The following MAG variants were observed in gnomAD, a reference collection of about 807,000 sequenced individuals.
MAG encodes the protein myelin-associated glycoprotein.
MAG carries 30 observed loss-of-function variants against 60.7 expected under a neutral mutation model. That is an observed-to-expected ratio of 0.49 (90% confidence interval 0.37 to 0.67). The LOEUF (loss-of-function observed/expected upper bound fraction) is 0.67, where lower values mean the gene tolerates loss of function less well. Among genes scored for constraint, MAG ranks in the 30% least tolerant of loss-of-function variants. The pLI is 0.00. For missense variants in MAG, 795 were observed against 851.7 expected (o/e 0.93, Z 0.83); for synonymous variants, 384 against 376.8 (o/e 1.02, Z -0.22).
chr19:35,311,409 A>G (rs1294607385), intron 9 of MAG, among the ~76,000 whole-genome samples: 1 of 152,122 alleles, frequency 6.6e-6, no homozygotes, highest in Non-Finnish European at 1.5e-5. Context: ...GGCTGTAGTG[A>G]GCTATGATTT....
chr19:35,298,968 C>T (rs2066424658), intron 4 of MAG, among the ~76,000 whole-genome samples: 1 of 150,968 alleles, frequency 6.6e-6, no homozygotes. Context: ...ACACACTACA[C>T]ACATACATCA....
rs777879188 is a variant in MAG, at chr19:35,313,754, C to A, written c.*300C>A. The A allele has an allele frequency of 4.9e-5, 14 of 283,820 alleles. No homozygotes were observed. Among genetic ancestry groups the A allele is most frequent in the Non-Finnish European group, 8.6e-5 (13 of 151,824 alleles). The allele number at this position is 283,820 out of a possible 1,614,324, so 17.6% of individuals were successfully genotyped here. ...TCCTGCCTGGTCTCCTGCCCCCACACCTGGCCCTGGGGCCTGTACAAAAGG... is the reference window on the plus strand; with the variant it reads ...TCCTGCCTGGTCTCCTGCCCCCACAACTGGCCCTGGGGCCTGTACAAAAGG... On this transcript the variant is annotated 3_prime_UTR_variant, in exon 11 of 11. Transcript: ENST00000392213.
In MAG at chr19:35,295,448, A is replaced by G. The variant is rs773576803; in HGVS notation, c.40A>G (p.Ile14Val). Residue 14 changes from isoleucine to valine, a missense_variant, in exon 3 of 11, where the codon ATT becomes GTT. Transcript: ENST00000392213. This position sits in a 1 kb window ranked among gnomAD's most constrained non-coding sequence, Gnocchi z 5.8. The part of the protein sequence containing the change: ...LTALPLFWIM[I>V]SASRGGHWGA... ...GGCACTGCCTCTGTTCTGGATTATG[A>G]TTTCAGGTAACGGCTGACAGGTGCT... The G allele has an allele frequency of 5.6e-6, 9 of 1,613,938 alleles. No individual in the cohort carries two copies. In the Admixed American group the frequency reaches 1.5e-4, roughly 27 times the overall value.
chr19:35,311,679 G>T (rs2066527963), intron 9 of MAG, among the ~76,000 whole-genome samples: 1 of 152,220 alleles, frequency 6.6e-6, no homozygotes, highest in South Asian at 2.1e-4. Context: ...AATCCAGGTG[G>T]GGGTCCTGAA....
chr19:35,294,300 A>G lies in MAG; in HGVS notation c.-24+10A>G, dbSNP rs1007655838. The G allele has an allele frequency of 1.1e-5, 5 of 439,256 alleles. No homozygotes were observed. Among genetic ancestry groups the G allele is most frequent in the Middle Eastern group, 3.3e-4 (1 of 3,032 alleles). The allele number at this position is 439,256 out of a possible 1,614,324, so 27.2% of individuals were successfully genotyped here. A position where few individuals can be genotyped will look rare whatever the true frequency, so the allele number is the denominator to read the frequency against. Reference sequence around the variant, plus strand: ...ACTCAGGGAGATTCAGGTGAGGGGCAGGGTACCAACTCTCTTCCCTTGCTT... The same window carrying G: ...ACTCAGGGAGATTCAGGTGAGGGGCGGGGTACCAACTCTCTTCCCTTGCTT... On this transcript the variant is annotated intron_variant, in intron 2 of 10. Transcript: ENST00000392213.
chr19:35,305,224 C>A (rs984418857), intron 7 of MAG, among the ~76,000 whole-genome samples: 2 of 152,154 alleles, frequency 1.3e-5, no homozygotes, highest in African/African-American at 2.4e-5. Context: ...GACCCTCAGG[C>A]CCCCTCCCTC....
intron 7 of MAG, among the ~76,000 whole-genome samples, chr19:35,304,365 C>A (rs2066469256): frequency 6.6e-6 from 1 of 152,082 alleles, no homozygotes; most frequent in South Asian, 2.1e-4. Flanking sequence ...GAGAGAGGAG[C>A]CGATGGGAGT....
At chr19:35,300,957 C>T (rs946184648) in intron 6 of MAG, among the ~76,000 whole-genome samples, 3 of 152,202 alleles carry the variant, frequency 2.0e-5, no homozygotes, top group African/African-American at 7.2e-5. Flanking sequence ...TGGTATCAAA[C>T]TCTTGGGCTC....
intron 7 of MAG, among the ~76,000 whole-genome samples, chr19:35,305,674 G>T (rs1456519783): frequency 6.6e-6 from 1 of 152,192 alleles, no homozygotes; most frequent in Admixed American, 6.5e-5. Flanking sequence ...AGAGAATTAG[G>T]CTGGGCGTGG....
intron 4 of MAG, among the ~76,000 whole-genome samples, chr19:35,296,802 C>T (rs2066401237): frequency 6.6e-6 from 1 of 151,866 alleles, no homozygotes; most frequent in Non-Finnish European, 1.5e-5. Flanking sequence ...ACTCTACCTA[C>T]ACACTACCCA....
In MAG at chr19:35,295,376, C is replaced by G. The variant is rs767277925; in HGVS notation, c.-23-10C>G. 8 of 1,612,864 alleles carry G rather than the reference C, an allele frequency of 5.0e-6. No individual in the cohort carries two copies. The highest frequency in any genetic ancestry group is 6.8e-6 in the Non-Finnish European group (8 of 1,179,454). On this transcript the variant is annotated splice_polypyrimidine_tract_variant and intron_variant, in intron 2 of 10. Transcript: ENST00000392213. This position sits in a 1 kb window ranked among gnomAD's most constrained non-coding sequence, Gnocchi z 5.8. ...CCCCCAGCCTTTAACCCTCTCCTCT[C>G]CCTTTCCAGCGATCACTCACTCGCT...
At chr19:35,292,289 T>C (rs1172913935) in intron 1 of MAG, 85 bp downstream of exon 1, 3 of 455,612 alleles carry the variant, frequency 6.6e-6, no homozygotes, top group Non-Finnish European at 1.3e-5. Flanking sequence ...TCAGGTGCTC[T>C]GGGTGAGGGA....
At chr19:35,296,263 G>T (rs2066397589) in intron 4 of MAG, among the ~76,000 whole-genome samples, 1 of 152,228 alleles carries the variant, frequency 6.6e-6, no homozygotes, top group African/African-American at 2.4e-5. Flanking sequence ...AGGGGGTAGG[G>T]GCAAGGCTGC....
At chr19:35,308,801 A>C (rs2066503593) in intron 7 of MAG, among the ~76,000 whole-genome samples, 1 of 151,302 alleles carries the variant, frequency 6.6e-6, no homozygotes, top group South Asian at 2.1e-4. Context: ...ACTATGTGAA[A>C]TTTTTTCTGC....
At chr19:35,303,544 A>G (rs1374374032) in intron 7 of MAG, among the ~76,000 whole-genome samples, 1 of 152,174 alleles carries the variant, frequency 6.6e-6, no homozygotes, top group African/African-American at 2.4e-5. Flanking sequence ...TTCCCTGCCC[A>G]AGGCTGACCT....
chr19:35,304,299 G>A (rs969432940), intron 7 of MAG, among the ~76,000 whole-genome samples: 2 of 152,020 alleles, frequency 1.3e-5, no homozygotes, highest in Non-Finnish European at 2.9e-5. Flanking sequence ...TCCCCCTCTG[G>A]TTGTCCCCTG....
chr19:35,304,681 CA>C (rs1314227923), intron 7 of MAG, among the ~76,000 whole-genome samples: 2 of 152,142 alleles, frequency 1.3e-5, no homozygotes, highest in African/African-American at 4.8e-5. Flanking sequence ...GCTGGGATTA[CA>C]GGCATGCGTC....
chr19:35,303,472 T>A (rs948074325), intron 7 of MAG, among the ~76,000 whole-genome samples: 1 of 152,186 alleles, frequency 6.6e-6, no homozygotes, highest in Non-Finnish European at 1.5e-5. Flanking sequence ...TTGCCTAAGT[T>A]CCCACAGCCA....
chr19:35,306,768 C>T (rs12974702), intron 7 of MAG, among the ~76,000 whole-genome samples: 4,009 of 152,276 alleles, frequency 0.026, 74 homozygotes, highest in South Asian at 0.045. Flanking sequence ...CACACTTGCG[C>T]GCCTATCTTC....
Sources: allele counts gnomAD v4.1 joint callset (sites outside exome capture counted in the v4.1 genomes callset), GRCh38; gene constraint gnomAD v4.1.1; non-coding constraint Gnocchi (gnomAD v3.1); transcripts MANE v1.5; gene names NCBI Gene and HGNC (gene_info 2026-07-23, HGNC 2026-07-21).